Variants in TAFA4 observed in about 807,000 individuals in gnomAD.
TAFA4 encodes the protein chemokine-like protein TAFA-4.
TAFA4 carries 20 observed loss-of-function variants against 21.1 expected under a neutral mutation model. The ratio of observed to expected loss-of-function variants is 0.95; its 90% CI spans 0.67 to 1.38. The LOEUF is 1.38. Among genes scored for constraint, TAFA4 ranks in the 40% most tolerant of loss-of-function variants. The pLI is 0.00. For missense variants in TAFA4, 211 were observed against 180.9 expected, an observed-to-expected ratio of 1.17 and a Z score of -0.95; for synonymous variants, 71 against 67.4, an observed-to-expected ratio of 1.05 and a Z score of -0.26.
intron 5 of TAFA4, among the ~76,000 whole-genome samples, 175 bp downstream of exon 5, chr3:68,738,900 C>G (rs536397932): frequency 1.3e-5 from 2 of 152,252 alleles, no homozygotes; most frequent in East Asian, 1.9e-4. Flanking sequence ...AAATCTGACA[C>G]ACAGAATGAT....
intron 1 of TAFA4, among the ~76,000 whole-genome samples, chr3:68,912,331 G>A (rs2089967662): frequency 6.6e-6 from 1 of 152,134 alleles, no homozygotes; most frequent in Non-Finnish European, 1.5e-5. Flanking sequence ...GAAAGATTGG[G>A]GAGAAGGGGG....
chr3:68,890,336 C>A (rs1433653111), intron 1 of TAFA4, among the ~76,000 whole-genome samples: 1 of 151,944 alleles, frequency 6.6e-6, no homozygotes, highest in Non-Finnish European at 1.5e-5. Flanking sequence ...GAAATTATAC[C>A]AAATTAAGAC....
rs933043318 is a variant in TAFA4, at chr3:68,742,566, A to G, written c.287-3367T>C. ...AACCTCACTACAAACCTGAGGTTAA[A>G]AATTATTTTTCAGGGCAGGGAGGTG... On this transcript the variant is annotated intron_variant, in intron 4 of 5. Coordinates refer to ENST00000295569, the MANE Select transcript of TAFA4 (RefSeq NM_182522.5). Among the ~76,000 whole-genome samples, 7 of 152,280 alleles carry G rather than the reference A, an allele frequency of 4.6e-5. No individual in the cohort carries two copies. In the East Asian group the frequency reaches 7.7e-4, roughly 17 times the overall value.
At chr3:68,829,087 C>G (rs1704318573) in intron 3 of TAFA4, among the ~76,000 whole-genome samples, 1 of 152,148 alleles carries the variant, frequency 6.6e-6, no homozygotes, top group East Asian at 1.9e-4. Context: ...GCCTGTATAG[C>G]CAAGACAATT....
At chr3:68,879,018 T>C (rs2089585622) in intron 3 of TAFA4, among the ~76,000 whole-genome samples, 1 of 152,132 alleles carries the variant, frequency 6.6e-6, no homozygotes, top group Admixed American at 6.6e-5. Flanking sequence ...AATACCTCCT[T>C]GTTTACACAC....
intron 1 of TAFA4, among the ~76,000 whole-genome samples, chr3:68,889,309 G>A (rs182117218): frequency 1.6e-4 from 25 of 152,274 alleles, no homozygotes; most frequent in African/African-American, 5.5e-4. Context: ...CCGGTACCAA[G>A]AAACTTTGAG....
rs1703172402 is a variant in TAFA4 at position 68,782,555 on chromosome 3, T to C, written c.131-29537A>G. On this transcript the variant is annotated intron_variant, in intron 3 of 5. Coordinates refer to ENST00000295569, the MANE Select transcript of TAFA4 (RefSeq NM_182522.5). Reference sequence around the variant, plus strand: ...ATTCATACAATAAATTATCCAGTGATTGAAAAAAAATTGAGTACTGATACA... The same window carrying C: ...ATTCATACAATAAATTATCCAGTGACTGAAAAAAAATTGAGTACTGATACA... Among the ~76,000 whole-genome samples, 6 of 152,058 alleles carry C rather than the reference T, an allele frequency of 3.9e-5. No individual in the cohort carries two copies. The South Asian group carries it at 1.2e-3, about 31-fold the overall frequency.
At chr3:68,928,610 C>A (rs548921005) in intron 1 of TAFA4, among the ~76,000 whole-genome samples, 1 of 152,274 alleles carries the variant, frequency 6.6e-6, no homozygotes, top group African/African-American at 2.4e-5. Flanking sequence ...TGGATACTGT[C>A]GCAGCTACTA....
chr3:68,929,771 T>C (rs1214858816), intron 1 of TAFA4, among the ~76,000 whole-genome samples: 3 of 152,228 alleles, frequency 2.0e-5, no homozygotes, highest in Admixed American at 2.0e-4. Context: ...CTAAGCCTCT[T>C]AGTATAGAAA....
At chr3:68,846,587 G>C (rs997188322) in intron 3 of TAFA4, among the ~76,000 whole-genome samples, 1 of 152,244 alleles carries the variant, frequency 6.6e-6, no homozygotes, top group South Asian at 2.1e-4. Context: ...TCCTTTGAAA[G>C]AGAAGAGGCA....
intron 3 of TAFA4, among the ~76,000 whole-genome samples, chr3:68,869,547 A>G (rs1301228454): frequency 2.0e-5 from 3 of 152,062 alleles, no homozygotes; most frequent in African/African-American, 7.2e-5. Context: ...GGATGCAAAG[A>G]TGGTTCAACA....
At chr3:68,743,076 G>A (rs1702387136) in intron 4 of TAFA4, among the ~76,000 whole-genome samples, 1 of 152,152 alleles carries the variant, frequency 6.6e-6, no homozygotes, top group Non-Finnish European at 1.5e-5. Flanking sequence ...CCCGATTCTG[G>A]CCGAATATAC....
chr3:68,867,136 T>C (rs1366035550), intron 3 of TAFA4, among the ~76,000 whole-genome samples: 2 of 151,570 alleles, frequency 1.3e-5, no homozygotes, highest in African/African-American at 2.4e-5. Flanking sequence ...CAGATAATAA[T>C]CAAACTCTCA....
chr3:68,808,935 G>C (rs1053477741), intron 3 of TAFA4, among the ~76,000 whole-genome samples: 12 of 152,070 alleles, frequency 7.9e-5, no homozygotes, highest in African/African-American at 1.7e-4. Flanking sequence ...CATGATAGTA[G>C]GAAAAGAACA....
intron 3 of TAFA4, 66 bp downstream of exon 3, chr3:68,880,664 T>C: frequency 7.5e-7 from 1 of 1,328,392 alleles, no homozygotes; most frequent in Non-Finnish European, 1.1e-6. Context: ...GTGTCTAAAA[T>C]GTGGACTCTG....
At chr3:68,790,279 GAAAA>G (rs897653090) in intron 3 of TAFA4, among the ~76,000 whole-genome samples, 2 of 141,154 alleles carry the variant, frequency 1.4e-5, no homozygotes, top group Non-Finnish European at 3.1e-5. Context: ...CACTAAAAAA[GAAAA>G]AAAAAGAAGC....
chr3:68,859,926 G>A (rs2089309622), intron 3 of TAFA4, among the ~76,000 whole-genome samples: 1 of 152,096 alleles, frequency 6.6e-6, no homozygotes, highest in Non-Finnish European at 1.5e-5. Flanking sequence ...AGAATCTTCT[G>A]CAAGATAGTT....
At chr3:68,746,495 G>T (rs983001154) in intron 4 of TAFA4, among the ~76,000 whole-genome samples, 6 of 152,052 alleles carry the variant, frequency 3.9e-5, no homozygotes, top group African/African-American at 1.4e-4. Flanking sequence ...TATGCTCCAA[G>T]ATTTTAACAC....
intron 3 of TAFA4, among the ~76,000 whole-genome samples, chr3:68,816,340 A>T (rs1703974585): frequency 6.6e-6 from 1 of 152,126 alleles, no homozygotes; most frequent in African/African-American, 2.4e-5. Flanking sequence ...AATTCTTCCA[A>T]TCCATGAGCA....
Sources: allele counts gnomAD v4.1 joint callset (sites outside exome capture counted in the v4.1 genomes callset), GRCh38; gene constraint gnomAD v4.1.1; transcripts MANE v1.5; gene names NCBI Gene and HGNC (gene_info 2026-07-23, HGNC 2026-07-21).